Variants in NKAIN2 observed in about 807,000 individuals in gnomAD.
The protein encoded by NKAIN2 is sodium/potassium transporting ATPase interacting 2, also known as sodium/potassium-transporting ATPase subunit beta-1-interacting protein 2.
In NKAIN2, 14 loss-of-function variants were observed where a neutral mutation model predicts 32.6. The ratio of observed to expected loss-of-function variants is 0.43; its 90% CI spans 0.28 to 0.67. NKAIN2 has a LOEUF of 0.67. Among genes scored for constraint, NKAIN2 ranks in the 30% least tolerant of loss-of-function variants. NKAIN2 has a pLI of 0.17. For synonymous variants in NKAIN2, 80 were observed against 87.2 expected (o/e 0.92, Z 0.46); for missense variants, 198 against 258.3 (o/e 0.77, Z 1.60).
intron 1 of NKAIN2, among the ~76,000 whole-genome samples, chr6:124,243,441 GC>G (rs1456941097): frequency 6.6e-6 from 1 of 151,784 alleles, no homozygotes; most frequent in African/African-American, 2.4e-5. Flanking sequence ...GTTGCAGTGA[GC>G]CGAGATCATG....
chr6:124,238,264 A>T (rs1471993059), intron 1 of NKAIN2, among the ~76,000 whole-genome samples: 3 of 152,112 alleles, frequency 2.0e-5, no homozygotes, highest in Non-Finnish European at 4.4e-5. Flanking sequence ...TCAAGATGAA[A>T]GTTTTGAATT....
chr6:124,641,625 C>A (rs748833325), intron 3 of NKAIN2, among the ~76,000 whole-genome samples: 10 of 137,624 alleles, frequency 7.3e-5, no homozygotes, highest in Admixed American at 1.6e-4. Context: ...GATCTCAGCT[C>A]CCTGCAACCT....
chr6:124,450,522 A>T (rs900805304), intron 3 of NKAIN2, among the ~76,000 whole-genome samples: 1 of 151,916 alleles, frequency 6.6e-6, no homozygotes, highest in Non-Finnish European at 1.5e-5. Flanking sequence ...TTTTATTAAT[A>T]ATGTAAGCCT....
At chr6:124,691,746 A>C (rs1055004531) in intron 4 of NKAIN2, among the ~76,000 whole-genome samples, 4 of 152,222 alleles carry the variant, frequency 2.6e-5, no homozygotes, top group African/African-American at 7.2e-5. Flanking sequence ...TTCCATTCCA[A>C]GATTATCACC....
At chr6:124,359,887 C>T (rs566780859) in intron 3 of NKAIN2, among the ~76,000 whole-genome samples, 1 of 152,144 alleles carries the variant, frequency 6.6e-6, no homozygotes. Context: ...TTTGCCCATT[C>T]AGTATGATAT....
At chr6:124,656,245 A>G (rs1272403755) in intron 3 of NKAIN2, among the ~76,000 whole-genome samples, 3 of 152,232 alleles carry the variant, frequency 2.0e-5, no homozygotes, top group African/African-American at 7.2e-5. Context: ...ACTTCCAGAT[A>G]ATAACAAGTT....
chr6:124,056,277 T>C (rs1782647380), intron 1 of NKAIN2, among the ~76,000 whole-genome samples: 1 of 151,782 alleles, frequency 6.6e-6, no homozygotes, highest in Admixed American at 6.6e-5. Flanking sequence ...TGGTACTACA[T>C]TTTTTTCTCA....
At chr6:124,294,446 T>G (rs1385989582) in intron 2 of NKAIN2, among the ~76,000 whole-genome samples, 2 of 152,176 alleles carry the variant, frequency 1.3e-5, no homozygotes, top group Non-Finnish European at 2.9e-5. Context: ...AGGTTTTGAC[T>G]GCAAAAGGGT....
chr6:124,058,528 G>A (rs1782774569), intron 1 of NKAIN2, among the ~76,000 whole-genome samples: 1 of 151,932 alleles, frequency 6.6e-6, no homozygotes, highest in Non-Finnish European at 1.5e-5. Flanking sequence ...TCCAATATTA[G>A]TAGGCACCTC....
At chr6:124,491,367 T>A (rs1284181078) in intron 3 of NKAIN2, among the ~76,000 whole-genome samples, 1 of 151,952 alleles carries the variant, frequency 6.6e-6, no homozygotes, top group African/African-American at 2.4e-5. Context: ...GTTTATTCAC[T>A]GAAGAGTAAT....
At chr6:124,575,750 A>C (rs1781307571) in intron 3 of NKAIN2, among the ~76,000 whole-genome samples, 1 of 152,122 alleles carries the variant, frequency 6.6e-6, no homozygotes, top group African/African-American at 2.4e-5. Flanking sequence ...GCTCCAGGTG[A>C]TGTTTTGAAA....
chr6:124,092,403 TA>T (rs1470289818), intron 1 of NKAIN2, among the ~76,000 whole-genome samples: 1 of 152,134 alleles, frequency 6.6e-6, no homozygotes, highest in Admixed American at 6.5e-5. Context: ...CAATTTTCTA[TA>T]AAAGTATTTT....
rs1781110717 is a variant in NKAIN2 at position 124,026,353 on chromosome 6, A to T, written c.54+222099A>T. 1.3e-4 allele frequency among the ~76,000 whole-genome samples: 19 copies of T among 148,464 alleles called. No homozygotes were observed. The South Asian group carries it at 4.1e-3, about 32-fold the overall frequency. On this transcript the variant is annotated intron_variant, in intron 1 of 6. Transcript: ENST00000368417. Reference sequence around the variant, plus strand: ...TATTTTGCCAATATTCTCTTAACCAAATTAGTGAATTGCAGGGCTGTCTAT... The same window carrying T: ...TATTTTGCCAATATTCTCTTAACCATATTAGTGAATTGCAGGGCTGTCTAT...
intron 3 of NKAIN2, among the ~76,000 whole-genome samples, chr6:124,428,706 T>TA (rs1329945305): frequency 6.6e-6 from 1 of 152,184 alleles, no homozygotes; most frequent in African/African-American, 2.4e-5. Flanking sequence ...CTGGAAAAGA[T>TA]AGCAAGAAGG....
At chr6:124,216,061 T>G (rs184522553) in intron 1 of NKAIN2, among the ~76,000 whole-genome samples, 1 of 144,756 alleles carries the variant, frequency 6.9e-6, no homozygotes, top group Admixed American at 7.3e-5. Flanking sequence ...GAGGTTGCAG[T>G]GAGCCGAGAT....
At chr6:123,954,384 G>A (rs1195054010) in intron 1 of NKAIN2, among the ~76,000 whole-genome samples, 5 of 151,318 alleles carry the variant, frequency 3.3e-5, no homozygotes, top group Admixed American at 2.6e-4. Context: ...GAAGTCCACA[G>A]TAGGATGGTG....
In NKAIN2 at chr6:123,907,146, A is replaced by G. The variant is rs938995743; in HGVS notation, c.54+102892A>G. On this transcript the variant is annotated intron_variant, in intron 1 of 6. Coordinates refer to ENST00000368417, the MANE Select transcript of NKAIN2 (RefSeq NM_001040214.3). ...TTATTTACTGCTTGGCTTTTCTACT[A>G]TCAGTATGGTTACTGTCATGTTTCA... Among the ~76,000 whole-genome samples, 8 of 152,110 alleles carry G rather than the reference A, an allele frequency of 5.3e-5. No individual in the cohort carries two copies. The South Asian group carries it at 6.2e-4, about 12-fold the overall frequency.
chr6:124,810,627 ATAAT>A (rs1780854098), intron 5 of NKAIN2, among the ~76,000 whole-genome samples: 2 of 152,222 alleles, frequency 1.3e-5, no homozygotes, highest in South Asian at 4.1e-4. Context: ...AACTTAAAGT[ATAAT>A]AATAAAAATA....
At chr6:123,819,892 A>C (rs1204023373) in intron 1 of NKAIN2, among the ~76,000 whole-genome samples, 1 of 152,182 alleles carries the variant, frequency 6.6e-6, no homozygotes, top group Non-Finnish European at 1.5e-5. Context: ...GATTTTTTTC[A>C]GCTCCAATAG....
Sources: allele counts gnomAD v4.1 joint callset (sites outside exome capture counted in the v4.1 genomes callset), GRCh38; gene constraint gnomAD v4.1.1; transcripts MANE v1.5; gene names NCBI Gene and HGNC (gene_info 2026-07-23, HGNC 2026-07-21).